PPARG: variants seen among roughly 807,000 people sequenced by gnomAD.
PPARG encodes the protein peroxisome proliferator activated receptor gamma.
Under a neutral mutation model 39.2 loss-of-function variants are expected in PPARG, and 17 were observed. The observed-to-expected ratio is 0.43, with a 90% confidence interval of 0.30 to 0.65. PPARG has a LOEUF of 0.65. Ranked by LOEUF, PPARG falls within the 30% of genes least tolerant of loss-of-function variation. The pLI, the probability that PPARG is intolerant of heterozygous loss-of-function variation, is 0.13. For synonymous variants in PPARG, 223 were observed against 215.7 expected, an observed-to-expected ratio of 1.03 and a Z score of -0.30; for missense variants, 406 against 585.9, an observed-to-expected ratio of 0.69 and a Z score of 3.17.
chr3:12,315,933 A>G (rs544492727), intron 2 of PPARG, among the ~76,000 whole-genome samples: 6 of 152,332 alleles, frequency 3.9e-5, no homozygotes, highest in Admixed American at 1.3e-4. Context: ...TCATTACCCA[A>G]GACAGGATTT....
At chr3:12,408,515 G>A (rs369086819) in intron 6 of PPARG, among the ~76,000 whole-genome samples, 6 of 150,516 alleles carry the variant, frequency 4.0e-5, no homozygotes, top group African/African-American at 1.2e-4. Context: ...AAAGGAAAGA[G>A]CCCTAAAGCA....
intron 1 of PPARG, among the ~76,000 whole-genome samples, chr3:12,310,791 T>TAAAA (rs761238501): frequency 1.1e-3 from 55 of 50,348 alleles, no homozygotes; most frequent in East Asian, 1.4e-3. Flanking sequence ...GCCTTAAATG[T>TAAAA]AAAAAAAAAA....
intron 2 of PPARG, among the ~76,000 whole-genome samples, chr3:12,352,551 C>T (rs2048521503): frequency 6.6e-6 from 1 of 152,010 alleles, no homozygotes; most frequent in South Asian, 2.1e-4. Flanking sequence ...TTATTTTTCT[C>T]TTCTCAGATT....
intron 6 of PPARG, among the ~76,000 whole-genome samples, chr3:12,411,655 C>T (rs1392399789): frequency 1.3e-5 from 2 of 152,158 alleles, no homozygotes; most frequent in African/African-American, 4.8e-5. Context: ...GGCACTTTGA[C>T]TTTGGAATGT....
At chr3:12,304,449 G>A (rs1211198520) in intron 1 of PPARG, among the ~76,000 whole-genome samples, 1 of 152,088 alleles carries the variant, frequency 6.6e-6, no homozygotes, top group Non-Finnish European at 1.5e-5. Flanking sequence ...TATATTTTGG[G>A]GGAAATTCTA....
At chr3:12,308,023 A>G (rs1253395679) in intron 1 of PPARG, among the ~76,000 whole-genome samples, 1 of 152,142 alleles carries the variant, frequency 6.6e-6, no homozygotes, top group Non-Finnish European at 1.5e-5. Context: ...AGAAAAGCTC[A>G]GAAAGCAGGG....
At chr3:12,290,870 T>A (rs962480890) in intron 1 of PPARG, among the ~76,000 whole-genome samples, 5 of 152,170 alleles carry the variant, frequency 3.3e-5, no homozygotes, top group African/African-American at 1.2e-4. Flanking sequence ...GAGGCTTTCA[T>A]GAAGTAGGAA....
At chr3:12,290,217 T>C (rs1172987473) in intron 1 of PPARG, among the ~76,000 whole-genome samples, 1 of 152,114 alleles carries the variant, frequency 6.6e-6, no homozygotes, top group Non-Finnish European at 1.5e-5. Context: ...TTTTCATATT[T>C]ACAAGTTTGT....
intron 2 of PPARG, chr3:12,327,955 G>T (rs1206181760): frequency 1.4e-6 from 1 of 729,208 alleles, no homozygotes. Flanking sequence ...GTATGGAAAG[G>T]TAAAATGGGA....
intron 6 of PPARG, among the ~76,000 whole-genome samples, chr3:12,407,532 G>A (rs2050715642): frequency 6.6e-6 from 1 of 152,170 alleles, no homozygotes; most frequent in Admixed American, 6.5e-5. Flanking sequence ...AGGGCTGTAA[G>A]AACTGCAGAA....
At chr3:12,287,780 T>C (rs183181489), upstream of PPARG, 25,473 of 132,796 alleles carry the variant, frequency 0.19, 2,651 homozygotes, top group Admixed American at 0.23. Flanking sequence ...TCCCTCCCAG[T>C]CGCGCGCCGC....
chr3:12,316,214 A>T (rs1358838492), intron 2 of PPARG, among the ~76,000 whole-genome samples: 4 of 152,188 alleles, frequency 2.6e-5, no homozygotes, highest in Admixed American at 6.5e-5. Context: ...TCTGAAAATG[A>T]GCGGTCTAAA....
intron 2 of PPARG, among the ~76,000 whole-genome samples, chr3:12,329,170 A>G (rs1001622060): frequency 9.9e-5 from 15 of 151,606 alleles, no homozygotes; most frequent in Admixed American, 4.6e-4. Flanking sequence ...AAAATGCAAA[A>G]AAAAAAAAAA....
upstream of PPARG, chr3:12,287,613 T>G (rs2046528397): frequency 6.6e-6 from 1 of 152,026 alleles, no homozygotes; most frequent in African/African-American, 2.4e-5. Flanking sequence ...GGATCCCTCC[T>G]CGGAAATGGG....
At chr3:12,326,077 G>A (rs1371569476) in intron 2 of PPARG, among the ~76,000 whole-genome samples, 3 of 152,148 alleles carry the variant, frequency 2.0e-5, no homozygotes, top group Non-Finnish European at 4.4e-5. Context: ...ATTTAGTAAT[G>A]CTTCCTATCT....
Position 12,336,609 on chromosome 3 carries a change from GGATA to G in PPARG, c.-9+24160_-9+24163del, listed in dbSNP as rs143299952. Reference sequence around the variant, plus strand: ...TTATCTACTCTAGAAGGTTTGCTGTGGATAGATTCTCCTTTAGAGTCCTCCAGAT... The same window carrying G: ...TTATCTACTCTAGAAGGTTTGCTGTGGATTCTCCTTTAGAGTCCTCCAGAT... On this transcript the variant is annotated intron_variant, in intron 2 of 7. Transcript: ENST00000651735. Among the ~76,000 whole-genome samples the G allele has an allele frequency of 1.2e-4, 19 of 152,192 alleles. No individual in the cohort carries two copies. In the East Asian group the frequency reaches 3.7e-3, roughly 29 times the overall value.
chr3:12,313,637 C>T (rs2047311298), intron 2 of PPARG, among the ~76,000 whole-genome samples: 1 of 152,124 alleles, frequency 6.6e-6, no homozygotes, highest in South Asian at 2.1e-4. Context: ...GAAACCAGAG[C>T]TCTTTGGAGA....
chr3:12,322,928 A>G (rs534185489), intron 2 of PPARG, among the ~76,000 whole-genome samples: 243 of 152,078 alleles, frequency 1.6e-3, no homozygotes, highest in Non-Finnish European at 2.8e-3. Context: ...CAGCCTCCCA[A>G]TTAGCTGGGA....
intron 1 of PPARG, among the ~76,000 whole-genome samples, chr3:12,306,622 G>A (rs2047071688): frequency 6.6e-6 from 1 of 152,134 alleles, no homozygotes; most frequent in Admixed American, 6.5e-5. Flanking sequence ...GACCTATACA[G>A]GTGTAACCAT....
Sources: gnomAD v4.1 joint callset for allele counts (sites outside exome capture counted in the v4.1 genomes callset) on GRCh38, gnomAD v4.1.1 for gene constraint, MANE v1.5 for transcripts, NCBI Gene and HGNC (gene_info 2026-07-23, HGNC 2026-07-21) for gene names.